Variants in ITGA11 observed in about 807,000 individuals in gnomAD.
The protein encoded by ITGA11 is integrin alpha-11.
A neutral mutation model predicts 141.9 loss-of-function variants in ITGA11; 97 were observed. That is an observed-to-expected ratio of 0.68 (90% CI 0.58 to 0.81). The LOEUF is 0.81. ITGA11 is among the 30% of genes least tolerant of loss of function. The pLI is 0.00. For synonymous variants in ITGA11, 658 were observed against 624.6 expected (o/e 1.05, Z -0.80); for missense variants, 1,387 against 1,559.2 (o/e 0.89, Z 1.86).
At chr15:68,323,265 G>A (rs1340684283) in intron 18 of ITGA11, among the ~76,000 whole-genome samples, 2 of 152,156 alleles carry the variant, frequency 1.3e-5, no homozygotes, top group African/African-American at 4.8e-5. Context: ...TTCAGGATAG[G>A]GGCTTTACGG....
chr15:68,328,189 A>G lies in ITGA11; in HGVS notation c.1975T>C (p.Cys659Arg). The G allele has an allele frequency of 6.2e-7, 1 of 1,613,894 alleles. No homozygotes were observed. Among genetic ancestry groups the G allele is most frequent in the Non-Finnish European group, 8.5e-7 (1 of 1,179,868 alleles). ...PSKINIFHRD[C>R]KRSGRDATCL... ...GTGGCATCCCTGCCACTGCGCTTGC[A>G]GTCTCTGTGGAAGATGTTGATCTTG... Residue 659 changes from cysteine to arginine, a missense_variant, in exon 16 of 30, where the codon TGC becomes CGC. Coordinates refer to ENST00000315757, the MANE Select transcript of ITGA11 (RefSeq NM_001004439.2). This position sits in a 1 kb window ranked among gnomAD's most constrained non-coding sequence, Gnocchi z 4.8.
At chr15:68,392,150 T>TG (rs566268881) in intron 2 of ITGA11, among the ~76,000 whole-genome samples, 20 of 152,170 alleles carry the variant, frequency 1.3e-4, no homozygotes, top group Non-Finnish European at 2.2e-4. Context: ...CAGAATTCTA[T>TG]GGGGGCAGCT....
chr15:68,368,741 G>A (rs1221841832), intron 3 of ITGA11, among the ~76,000 whole-genome samples: 1 of 152,202 alleles, frequency 6.6e-6, no homozygotes, highest in Non-Finnish European at 1.5e-5. Flanking sequence ...AATCCCATAT[G>A]GGTGTTGTGA....
Position 68,351,410 on chromosome 15 carries a change from C to G in ITGA11, c.750-8G>C, listed in dbSNP as rs767472230. The stretch of plus-strand genomic sequence containing the variant: ...TTCTGGAAAGCCTCTGAGCTGGAAG[C>G]CAAGCACAGGGGCAGGGTCATGAAA... On this transcript the variant is annotated splice_region_variant and splice_polypyrimidine_tract_variant and intron_variant, in intron 7 of 29. Transcript: ENST00000315757. 1 of 1,613,404 alleles carries G rather than the reference C, an allele frequency of 6.2e-7. No homozygotes were observed. Among genetic ancestry groups the G allele is most frequent in the East Asian group, 2.2e-5 (1 of 44,860 alleles).
chr15:68,392,609 A>G (rs971773457), intron 2 of ITGA11, among the ~76,000 whole-genome samples: 9 of 152,238 alleles, frequency 5.9e-5, no homozygotes, highest in African/African-American at 2.2e-4. Context: ...CTGTGTATGC[A>G]TAGTATGATA....
At chr15:68,320,483 C>G in intron 19 of ITGA11, 91 bp from the exon 20 acceptor site, 2 of 1,053,690 alleles carry the variant, frequency 1.9e-6, no homozygotes, top group East Asian at 2.6e-5. Context: ...AAAGGTGGGT[C>G]TGGGCACTTG....
chr15:68,332,509 C>T, intron 12 of ITGA11, 31 bp from the exon 13 acceptor site: 1 of 1,605,148 alleles, frequency 6.2e-7, no homozygotes, highest in Non-Finnish European at 8.5e-7. Context: ...GAGGAGTGGG[C>T]TGGCTGCCCA....
chr15:68,322,745 C>T lies in ITGA11; in HGVS notation c.2323-1242G>A, dbSNP rs1893851109. Among the ~76,000 whole-genome samples the T allele has an allele frequency of 6.6e-6, 1 of 151,798 alleles. No individual in the cohort carries two copies. ...TAGCTGGGCGCAGTGGCTGCAGTCC[C>T]AGCTACTCGGGAGGCTGAGGCAGGA... On this transcript the variant is annotated intron_variant, in intron 18 of 29. Coordinates refer to ENST00000315757, the MANE Select transcript of ITGA11 (RefSeq NM_001004439.2). This position sits in a 1 kb window ranked among gnomAD's most constrained non-coding sequence, Gnocchi z 5.6.
chr15:68,310,894 T>C, intron 26 of ITGA11, 100 bp downstream of exon 26: 1 of 876,572 alleles, frequency 1.1e-6, no homozygotes, highest in Admixed American at 2.1e-5. Context: ...AGTAAGCTCT[T>C]ATTGGCAAGC....
chr15:68,352,606 A>G (rs1894949372), intron 7 of ITGA11, among the ~76,000 whole-genome samples: 1 of 152,234 alleles, frequency 6.6e-6, no homozygotes, highest in South Asian at 2.1e-4. Flanking sequence ...ACTAACCCAT[A>G]AAATGCGTGC....
At chr15:68,414,489 G>C (rs1288186158) in intron 1 of ITGA11, among the ~76,000 whole-genome samples, 1 of 152,140 alleles carries the variant, frequency 6.6e-6, no homozygotes, top group Non-Finnish European at 1.5e-5. Context: ...CTGGTTTCTC[G>C]ACTGGCTATG....
chr15:68,312,875 G>GC lies in ITGA11; in HGVS notation c.2883-13_2883-12insG. The GC allele has an allele frequency of 6.3e-7, 1 of 1,597,994 alleles. No homozygotes were observed. Among genetic ancestry groups the GC allele is most frequent in the Non-Finnish European group, 8.6e-7 (1 of 1,165,986 alleles). On this transcript the variant is annotated splice_polypyrimidine_tract_variant and intron_variant, in intron 23 of 29. Transcript: ENST00000315757. ...TCAGGCTGCTGCTCCTGCGGAGACA[G>GC]AGGACAGGGCTGTCGTGAGCTCAGT...
At chr15:68,314,180 G>A (rs555080300) in intron 22 of ITGA11, among the ~76,000 whole-genome samples, 47 of 152,292 alleles carry the variant, frequency 3.1e-4, no homozygotes, top group African/African-American at 1.1e-3. Flanking sequence ...CAGATGCCCC[G>A]TCTGTCAGGC....
chr15:68,403,044 G>C lies in ITGA11; in HGVS notation c.53-15C>G. 1 of 1,561,828 alleles carries C rather than the reference G, an allele frequency of 6.4e-7. No individual in the cohort carries two copies. The highest frequency in any genetic ancestry group is 1.3e-5 in the African/African-American group (1 of 74,214). ...GTCCGTGAACCCTGAGGCAGGGGGA[G>C]AGGAGAGGAGAAGCAGGGGAGTCAG... On this transcript the variant is annotated splice_polypyrimidine_tract_variant and intron_variant, in intron 1 of 29. Transcript: ENST00000315757.
intron 26 of ITGA11, among the ~76,000 whole-genome samples, chr15:68,310,635 G>A (rs1306599645): frequency 2.6e-5 from 4 of 152,286 alleles, no homozygotes; most frequent in Non-Finnish European, 4.4e-5. Context: ...TTCTGGCTGC[G>A]TCTGTTTTCT....
At chr15:68,366,799 C>A (rs928641638) in intron 3 of ITGA11, among the ~76,000 whole-genome samples, 2 of 152,168 alleles carry the variant, frequency 1.3e-5, no homozygotes, top group African/African-American at 4.8e-5. Context: ...CACATCACCT[C>A]CCCCAGCCCC....
intron 1 of ITGA11, among the ~76,000 whole-genome samples, chr15:68,425,277 A>T (rs1283788791): frequency 6.6e-6 from 1 of 152,230 alleles, no homozygotes; most frequent in Non-Finnish European, 1.5e-5. Context: ...AAGGCCCTGC[A>T]CTTGGTGAAT....
intron 2 of ITGA11, among the ~76,000 whole-genome samples, chr15:68,378,627 A>G (rs1457343831): frequency 2.0e-5 from 3 of 152,232 alleles, no homozygotes; most frequent in African/African-American, 7.2e-5. Context: ...TGGGTGACAG[A>G]GAGAGATCCT....
chr15:68,398,667 T>A (rs1595891250), intron 2 of ITGA11, among the ~76,000 whole-genome samples: 1 of 148,024 alleles, frequency 6.8e-6, no homozygotes, highest in Admixed American at 6.8e-5. Context: ...AAATATTTTA[T>A]TTCTAATAGC....
Sources: allele counts gnomAD v4.1 joint callset (sites outside exome capture counted in the v4.1 genomes callset), GRCh38; gene constraint gnomAD v4.1.1; non-coding constraint Gnocchi (gnomAD v3.1); transcripts MANE v1.5; gene names NCBI Gene and HGNC (gene_info 2026-07-23, HGNC 2026-07-21).